The following FGF14 variants were observed in gnomAD, a reference collection of about 807,000 sequenced individuals.
The protein encoded by FGF14 is fibroblast growth factor homologous factor 4.
Under a neutral mutation model 25.5 loss-of-function variants are expected in FGF14, and 5 were observed. That is an observed-to-expected ratio of 0.20 (90% CI 0.10 to 0.41). The LOEUF (loss-of-function observed/expected upper bound fraction) is 0.41. Ranked by LOEUF, FGF14 falls within the 10% of genes least tolerant of loss-of-function variation. The probability of loss-of-function intolerance (pLI) is 1.00; values close to 1 mark genes in which losing one functional copy is unlikely to be tolerated. For missense variants in FGF14, 222 were observed against 320.1 expected (o/e 0.69, Z 2.34); for synonymous variants, 138 against 118.3 (o/e 1.17, Z -1.08).
chr13:101,870,975 AATACATACATAC>A (rs202103201), intron 2 of FGF14, among the ~76,000 whole-genome samples: 5 of 150,384 alleles, frequency 3.3e-5, no homozygotes, highest in African/African-American at 7.4e-5. Flanking sequence ...TAAATAAATA[AATACATACATAC>A]ATACATACAT....
intron 1 of FGF14, among the ~76,000 whole-genome samples, chr13:102,236,081 A>G (rs2051314827): frequency 1.3e-5 from 2 of 152,328 alleles, no homozygotes; most frequent in South Asian, 4.1e-4. Flanking sequence ...CACCTTCCCC[A>G]TGACTTTTTG....
intron 3 of FGF14, among the ~76,000 whole-genome samples, chr13:101,860,556 G>A (rs1406289054): frequency 1.3e-5 from 2 of 151,944 alleles, no homozygotes; most frequent in African/African-American, 4.8e-5. Context: ...ACATGCCTGG[G>A]ATATATATTC....
intron 3 of FGF14, among the ~76,000 whole-genome samples, chr13:101,804,885 C>A (rs576936302): frequency 2.6e-5 from 4 of 152,064 alleles, no homozygotes; most frequent in Non-Finnish European, 4.4e-5. Context: ...ATGCAACACA[C>A]CTACATCAAA....
chr13:102,058,802 G>A (rs900775777), intron 1 of FGF14, among the ~76,000 whole-genome samples: 1 of 151,948 alleles, frequency 6.6e-6, no homozygotes, highest in African/African-American at 2.4e-5. Flanking sequence ...TTCCCCTACT[G>A]CTTATTTTTC....
At chr13:101,863,048 G>A (rs1168930539) in intron 3 of FGF14, among the ~76,000 whole-genome samples, 1 of 152,024 alleles carries the variant, frequency 6.6e-6, no homozygotes, top group Non-Finnish European at 1.5e-5. Context: ...TTATATATGT[G>A]TGTCTATGTG....
chr13:102,085,187 G>A (rs569710841), intron 1 of FGF14, among the ~76,000 whole-genome samples: 144 of 149,692 alleles, frequency 9.6e-4, no homozygotes, highest in Non-Finnish European at 1.7e-3. Flanking sequence ...TTAGACTAAA[G>A]CTAAGTTTTT....
At chr13:101,809,094 A>C (rs2041356889) in intron 3 of FGF14, among the ~76,000 whole-genome samples, 1 of 152,052 alleles carries the variant, frequency 6.6e-6, no homozygotes. Context: ...TCTCACTTTA[A>C]TATGTGTCCT....
At chr13:102,034,338 T>G (rs540223385) in intron 1 of FGF14, among the ~76,000 whole-genome samples, 1 of 152,210 alleles carries the variant, frequency 6.6e-6, no homozygotes, top group South Asian at 2.1e-4. Flanking sequence ...AGAAGGCTCT[T>G]AAGAGTTAGA....
intron 3 of FGF14, among the ~76,000 whole-genome samples, chr13:101,738,676 T>C (rs56162517): frequency 0.051 from 7,691 of 152,188 alleles, 207 homozygotes; most frequent in Middle Eastern, 0.065. Flanking sequence ...AAGCTGGAGC[T>C]GTGAAAGTTC....
At chr13:102,287,964 C>A (rs1037818375) in intron 1 of FGF14, among the ~76,000 whole-genome samples, 1 of 152,186 alleles carries the variant, frequency 6.6e-6, no homozygotes, top group South Asian at 2.1e-4. Context: ...TGAAGCCACA[C>A]AAATGAACTA....
intron 1 of FGF14, among the ~76,000 whole-genome samples, chr13:102,022,283 G>A (rs1265319001): frequency 2.0e-5 from 3 of 152,062 alleles, no homozygotes; most frequent in Non-Finnish European, 4.4e-5. Flanking sequence ...TGTATTGCCA[G>A]AACTCATCTC....
chr13:102,215,181 G>T (rs1241838223), intron 1 of FGF14, among the ~76,000 whole-genome samples: 1 of 152,188 alleles, frequency 6.6e-6, no homozygotes, highest in African/African-American at 2.4e-5. Flanking sequence ...CAGGTTAATT[G>T]CTCCCACTCT....
At chr13:102,059,379 G>T (rs1306999085) in intron 1 of FGF14, among the ~76,000 whole-genome samples, 1 of 152,154 alleles carries the variant, frequency 6.6e-6, no homozygotes, top group Non-Finnish European at 1.5e-5. Context: ...CCAACCAGCA[G>T]GCAAGGTATG....
In FGF14 at chr13:101,719,509, T is replaced by C. The variant is rs1039975264; in HGVS notation, c.*3322A>G. The C allele has an allele frequency of 6.6e-6, 1 of 152,110 alleles. No homozygotes were observed. 9.4% of individuals were successfully genotyped at this position (152,110 alleles called of 1,614,324 possible). A position where few individuals can be genotyped will look rare whatever the true frequency, so the allele number is the denominator to read the frequency against. On this transcript the variant is annotated 3_prime_UTR_variant, in exon 5 of 5. Coordinates refer to ENST00000376143, the MANE Select transcript of FGF14 (RefSeq NM_004115.4). ...TTTGCTCTTTACATAGGGTGGAGAA[T>C]TGTCATGTCTTCTCTAATTTTTCCA...
intron 1 of FGF14, among the ~76,000 whole-genome samples, chr13:102,334,498 A>G (rs1342281825): frequency 1.3e-5 from 2 of 152,188 alleles, no homozygotes; most frequent in African/African-American, 2.4e-5. Context: ...CTTCAGAAAC[A>G]GCAGTGTCAT....
At chr13:102,006,727 C>CTTT (rs774872814) in intron 1 of FGF14, among the ~76,000 whole-genome samples, 6,755 of 62,024 alleles carry the variant, frequency 0.11, 1,654 homozygotes, top group East Asian at 0.18. Flanking sequence ...AATCTTACTT[C>CTTT]TTTTTTTTTT....
chr13:101,911,526 C>G (rs1385506327), intron 1 of FGF14, among the ~76,000 whole-genome samples: 1 of 152,038 alleles, frequency 6.6e-6, no homozygotes, highest in Non-Finnish European at 1.5e-5. Context: ...TTTCAGAAAC[C>G]TATAGCAAAT....
intron 1 of FGF14, among the ~76,000 whole-genome samples, chr13:102,365,180 C>T (rs940075948): frequency 1.3e-5 from 2 of 152,202 alleles, no homozygotes; most frequent in Non-Finnish European, 2.9e-5. Flanking sequence ...TAAGCTCTAT[C>T]GAGTCACAGC....
At chr13:102,322,752 T>A (rs778973882) in intron 1 of FGF14, among the ~76,000 whole-genome samples, 1 of 152,174 alleles carries the variant, frequency 6.6e-6, no homozygotes, top group African/African-American at 2.4e-5. Flanking sequence ...TACTAAAATG[T>A]GTCTAAATTA....
Sources: gnomAD v4.1 joint callset for allele counts (sites outside exome capture counted in the v4.1 genomes callset) on GRCh38, gnomAD v4.1.1 for gene constraint, MANE v1.5 for transcripts, NCBI Gene and HGNC (gene_info 2026-07-23, HGNC 2026-07-21) for gene names.